Variants in ABCC1 observed in about 807,000 individuals in gnomAD.
The protein encoded by ABCC1 is multidrug resistance-associated protein 1.
In ABCC1, 83 loss-of-function variants were observed where a neutral mutation model predicts 172.9. That is an observed-to-expected ratio of 0.48 (90% CI 0.40 to 0.58). ABCC1 has a LOEUF of 0.58. Among genes scored for constraint, ABCC1 ranks in the 20% least tolerant of loss-of-function variants. The pLI is 0.00. For synonymous variants in ABCC1, 937 were observed against 825.2 expected (o/e 1.14, Z -2.32); for missense variants, 1,817 against 2,002.7 (o/e 0.91, Z 1.77).
chr16:15,981,938 C>T lies in ABCC1; in HGVS notation c.49-25878C>T, dbSNP rs138389281. ...CATCTCTCTCAAGTTCTAAGTTCCA[C>T]AGCTCTTTAGGGCAAAGGCAAAATG... On this transcript the variant is annotated intron_variant, in intron 1 of 30. Coordinates refer to ENST00000399410, the MANE Select transcript of ABCC1 (RefSeq NM_004996.4). 3.9e-3 allele frequency among the ~76,000 whole-genome samples: 587 copies of T among 152,288 alleles called. 2 individuals are homozygous for T. The highest frequency in any genetic ancestry group is 0.013 in the African/African-American group (521 of 41,552).
At chr16:16,035,173 G>A (rs1317917589) in intron 6 of ABCC1, among the ~76,000 whole-genome samples, 1 of 152,106 alleles carries the variant, frequency 6.6e-6, no homozygotes, top group African/African-American at 2.4e-5. Context: ...AGGCCAAGGT[G>A]GGTGGATCAC....
intron 1 of ABCC1, among the ~76,000 whole-genome samples, chr16:15,998,363 G>A (rs2047131471): frequency 6.6e-6 from 1 of 152,100 alleles, no homozygotes; most frequent in African/African-American, 2.4e-5. Context: ...CTGAGCTCAA[G>A]CAATCCTCCC....
chr16:15,990,169 C>G (rs761756646), intron 1 of ABCC1, among the ~76,000 whole-genome samples: 41 of 152,152 alleles, frequency 2.7e-4, no homozygotes, highest in Non-Finnish European at 5.3e-4. Flanking sequence ...ATTCTCCTGC[C>G]TCAGCCTCCC....
chr16:16,090,627 T>A (rs778774747), intron 19 of ABCC1, 39 bp downstream of exon 19: 1 of 1,518,902 alleles, frequency 6.6e-7, no homozygotes, highest in South Asian at 1.3e-5. Flanking sequence ...TCAGGGTGTC[T>A]GGCACCTTGA....
intron 5 of ABCC1, among the ~76,000 whole-genome samples, chr16:16,028,256 T>G (rs535154902): frequency 6.6e-6 from 1 of 152,294 alleles, no homozygotes; most frequent in South Asian, 2.1e-4. Context: ...ATTGTAATTC[T>G]GATTGTAATT....
At chr16:16,065,385 C>G (rs923277414) in intron 12 of ABCC1, among the ~76,000 whole-genome samples, 1 of 152,074 alleles carries the variant, frequency 6.6e-6, no homozygotes, top group Non-Finnish European at 1.5e-5. Flanking sequence ...CTCAGCCTCC[C>G]TAGTAGCTAG....
At chr16:15,986,408 T>C (rs529666214) in intron 1 of ABCC1, among the ~76,000 whole-genome samples, 1 of 152,282 alleles carries the variant, frequency 6.6e-6, no homozygotes, top group Admixed American at 6.5e-5. Context: ...CAACAGGAGC[T>C]GAGTGGCGGG....
chr16:16,083,864 C>T (rs2050904155), intron 17 of ABCC1, among the ~76,000 whole-genome samples: 1 of 152,146 alleles, frequency 6.6e-6, no homozygotes, highest in African/African-American at 2.4e-5. Context: ...TACACTGTCC[C>T]TTCTACTCAC....
intron 19 of ABCC1, among the ~76,000 whole-genome samples, chr16:16,101,550 T>A (rs2152055144): frequency 6.6e-6 from 1 of 152,344 alleles, no homozygotes; most frequent in East Asian, 1.9e-4. Flanking sequence ...AGGGTCACCC[T>A]GACCATGCTG....
intron 3 of ABCC1, among the ~76,000 whole-genome samples, chr16:16,013,562 AT>A (rs10712722): frequency 0.63 from 95,115 of 149,860 alleles, 30,494 homozygotes; most frequent in Non-Finnish European, 0.7. Flanking sequence ...CACCTGGCTG[AT>A]TTTTTTTTTT....
chr16:16,130,548 A>C (rs1672402382), intron 26 of ABCC1, among the ~76,000 whole-genome samples: 1 of 152,176 alleles, frequency 6.6e-6, no homozygotes, highest in Non-Finnish European at 1.5e-5. Flanking sequence ...GCGCTCCTCA[A>C]ATACCTAGAG....
intron 16 of ABCC1, among the ~76,000 whole-genome samples, chr16:16,081,315 C>A (rs926854508): frequency 2.6e-5 from 4 of 152,138 alleles, no homozygotes; most frequent in African/African-American, 9.7e-5. Context: ...CAAGTTCCTG[C>A]CATAAAATAA....
At position 16,000,686 on chromosome 16, in the gene ABCC1, C is replaced by G. The variant is rs1340743108; in HGVS notation, c.49-7130C>G. Among the ~76,000 whole-genome samples the G allele has an allele frequency of 5.3e-5, 8 of 152,190 alleles. No individual in the cohort carries two copies. The East Asian group carries it at 9.7e-4, about 18-fold the overall frequency. ...TGTTTCCCAGGCTGGTCTTGAACTC[C>G]TGGGCTCAAGTGATCCTCCTGCCTT... On this transcript the variant is annotated intron_variant, in intron 1 of 30. Coordinates refer to ENST00000399410, the MANE Select transcript of ABCC1 (RefSeq NM_004996.4).
At chr16:16,013,766 G>C (rs955038989) in intron 3 of ABCC1, among the ~76,000 whole-genome samples, 1 of 152,172 alleles carries the variant, frequency 6.6e-6, no homozygotes, top group Admixed American at 6.5e-5. Flanking sequence ...GATGGTGGAG[G>C]TGAAGCCTGA....
intron 1 of ABCC1, among the ~76,000 whole-genome samples, chr16:15,961,858 T>A (rs906121180): frequency 1.3e-5 from 2 of 152,028 alleles, no homozygotes; most frequent in African/African-American, 4.8e-5. Context: ...TCTTGGTGTC[T>A]ATCAAGGTCA....
intron 11 of ABCC1, 43 bp from the exon 12 acceptor site, chr16:16,056,046 GATC>G (rs936028490): frequency 1.3e-6 from 2 of 1,559,640 alleles, no homozygotes; most frequent in Admixed American, 3.4e-5. Flanking sequence ...GTGATGGGCT[GATC>G]CCAGGGTCGC....
rs190308275 is a variant in ABCC1, at chr16:16,031,961, C to T, written c.616-1148C>T. ...TGGGACCTTGAACAAATCTTTTCAT[C>T]TCTGGTCCCCAGTTTTTAAGTTAAA... On this transcript the variant is annotated intron_variant, in intron 5 of 30. Transcript: ENST00000399410. Among the ~76,000 whole-genome samples the T allele has an allele frequency of 1.2e-4, 18 of 152,162 alleles. No individual in the cohort carries two copies. In the South Asian group the frequency reaches 1.5e-3, roughly 12 times the overall value.
At chr16:16,137,058 G>A (rs2045942027) in intron 29 of ABCC1, among the ~76,000 whole-genome samples, 1 of 152,190 alleles carries the variant, frequency 6.6e-6, no homozygotes, top group South Asian at 2.1e-4. Flanking sequence ...ATTAATGCCT[G>A]GCACACCAGC....
At chr16:16,066,655 T>C (rs911776515) in intron 12 of ABCC1, among the ~76,000 whole-genome samples, 1 of 151,772 alleles carries the variant, frequency 6.6e-6, no homozygotes, top group Admixed American at 6.6e-5. Flanking sequence ...TCCCAGCATT[T>C]TGGGAGGCCG....
Sources: allele counts gnomAD v4.1 joint callset (sites outside exome capture counted in the v4.1 genomes callset), GRCh38; gene constraint gnomAD v4.1.1; transcripts MANE v1.5; gene names NCBI Gene and HGNC (gene_info 2026-07-23, HGNC 2026-07-21).